TLE1: variants seen among roughly 807,000 people sequenced by gnomAD.
The protein encoded by TLE1 is TLE family member 1, transcriptional corepressor, also known as transducin-like enhancer protein 1.
In TLE1, 21 loss-of-function variants were observed where a neutral mutation model predicts 89.8. That is an observed-to-expected ratio of 0.23 (90% CI 0.17 to 0.34). The LOEUF is 0.34. Ranked by LOEUF, TLE1 falls within the 10% of genes least tolerant of loss-of-function variation. The pLI, the probability that TLE1 is intolerant of heterozygous loss-of-function variation, is 1.00. For synonymous variants in TLE1, 447 were observed against 407.6 expected (o/e 1.10, Z -1.16); for missense variants, 795 against 1,031.2 (o/e 0.77, Z 3.14).
intron 4 of TLE1, among the ~76,000 whole-genome samples, chr9:81,656,409 T>A (rs1830152523): frequency 6.6e-6 from 1 of 152,242 alleles, no homozygotes; most frequent in Non-Finnish European, 1.5e-5. Context: ...ACATTCCTCT[T>A]CTCGGAAATT....
chr9:81,662,428 C>G (rs1000734306), intron 4 of TLE1, among the ~76,000 whole-genome samples: 2 of 148,906 alleles, frequency 1.3e-5, no homozygotes, highest in Middle Eastern at 3.2e-3. Flanking sequence ...GGAGCTGTGG[C>G]TCACGCCTGT....
intron 16 of TLE1, 25 bp from the exon 17 acceptor site, chr9:81,587,853 A>G (rs1242414018): frequency 6.3e-7 from 1 of 1,588,948 alleles, no homozygotes; most frequent in Non-Finnish European, 8.6e-7. Flanking sequence ...CAGATTGAAT[A>G]ATGATTTCCT....
intron 14 of TLE1, among the ~76,000 whole-genome samples, chr9:81,603,280 G>T (rs1179474017): frequency 6.6e-6 from 1 of 152,138 alleles, no homozygotes; most frequent in Admixed American, 6.5e-5. Flanking sequence ...TAGCCTCAGG[G>T]TCTACAATTC....
intron 4 of TLE1, among the ~76,000 whole-genome samples, chr9:81,673,222 A>G (rs1872196): frequency 0.86 from 126,828 of 147,726 alleles, 54,770 homozygotes; most frequent in African/African-American, 0.95. Flanking sequence ...GCAGTGAACC[A>G]AGATTGCGCC....
intron 4 of TLE1, among the ~76,000 whole-genome samples, chr9:81,671,334 C>G (rs771375814): frequency 6.6e-5 from 10 of 151,850 alleles, no homozygotes; most frequent in Non-Finnish European, 1.5e-5. Context: ...GGCAACATGG[C>G]GAAACCCTGT....
At chr9:81,688,066 C>G in intron 1 of TLE1, 151 bp downstream of exon 1, 1 of 941,246 alleles carries the variant, frequency 1.1e-6, no homozygotes, top group Non-Finnish European at 1.6e-6. Flanking sequence ...ACTCCCCACC[C>G]CAGGAAGAGA....
chr9:81,617,621 G>A (rs1824713069), intron 9 of TLE1, among the ~76,000 whole-genome samples: 2 of 152,326 alleles, frequency 1.3e-5, no homozygotes, highest in South Asian at 4.1e-4. Context: ...AGGATCGTTT[G>A]AACCCAGCAG....
At chr9:81,587,907 CGTGTGTGT>C (rs71496083) in intron 16 of TLE1, 79 bp from the exon 17 acceptor site, 23 of 753,916 alleles carry the variant, frequency 3.1e-5, no homozygotes, top group South Asian at 2.1e-4. Flanking sequence ...AGTTTTGGAC[CGTGTGTGT>C]GTGTGTGTGT....
intron 11 of TLE1, among the ~76,000 whole-genome samples, chr9:81,614,831 A>G (rs1183088147): frequency 6.6e-6 from 1 of 151,748 alleles, no homozygotes; most frequent in Non-Finnish European, 1.5e-5. Flanking sequence ...ATGCTCTATG[A>G]CATGCCCCGA....
chr9:81,603,912 G>C (rs1488021563), intron 14 of TLE1, among the ~76,000 whole-genome samples: 2 of 152,168 alleles, frequency 1.3e-5, no homozygotes, highest in East Asian at 3.9e-4. Flanking sequence ...TGAGGCAGGA[G>C]AATCGCTTGA....
At chr9:81,657,214 C>T (rs76066110) in intron 4 of TLE1, among the ~76,000 whole-genome samples, 109 of 152,228 alleles carry the variant, frequency 7.2e-4, no homozygotes, top group African/African-American at 2.5e-3. Context: ...CAAATATTAA[C>T]CCTTTATCAG....
chr9:81,613,504 C>T lies in TLE1; in HGVS notation c.936G>A (p.Thr312=), dbSNP rs767850932. Residue 312 remains threonine (T), a synonymous_variant, in exon 12 of 20, where the codon ACG becomes ACA. Coordinates refer to ENST00000376499, the MANE Select transcript of TLE1 (RefSeq NM_005077.5). ...KEMSLHEKAS[T]PVLKSSTPTP... ...TTGGTGTGCTGGATTTCAGAACAGG[C>T]GTGCTGGCTTTTTCATGCTGGTGTC... 6.8e-6 allele frequency: 11 copies of T among 1,614,026 alleles called. No individual in the cohort carries two copies. The highest frequency in any genetic ancestry group is 2.7e-5 in the African/African-American group (2 of 74,924).
chr9:81,630,352 T>C (rs1225277806), intron 8 of TLE1, among the ~76,000 whole-genome samples: 5 of 152,174 alleles, frequency 3.3e-5, no homozygotes, highest in Non-Finnish European at 7.3e-5. Context: ...TTCAAGACAT[T>C]TGTAGACATA....
chr9:81,680,931 AAAAAAAAAAAC>A (rs1461930333), intron 4 of TLE1, among the ~76,000 whole-genome samples: 2 of 148,336 alleles, frequency 1.3e-5, no homozygotes, highest in Non-Finnish European at 3.0e-5. Flanking sequence ...CACAGGGTTA[AAAAAAAAAAAC>A]AAAAAAAACA....
chr9:81,682,065 G>A lies in TLE1; in HGVS notation c.234+3611C>T, dbSNP rs145004711. Reference sequence around the variant, plus strand: ...GTTCGAAACCAGCCTGCGAACATGGGTGAAACCCTCTCTCTACTACAAAAA... The same window carrying A: ...GTTCGAAACCAGCCTGCGAACATGGATGAAACCCTCTCTCTACTACAAAAA... On this transcript the variant is annotated intron_variant, in intron 4 of 19. Transcript: ENST00000376499. Among the ~76,000 whole-genome samples the A allele has an allele frequency of 7.8e-3, 1,188 of 151,942 alleles. 17 individuals carry two copies. Among genetic ancestry groups the A allele is most frequent in the African/African-American group, 0.027 (1,128 of 41,398 alleles).
intron 6 of TLE1, among the ~76,000 whole-genome samples, chr9:81,647,694 T>C (rs910127433): frequency 6.6e-6 from 1 of 152,168 alleles, no homozygotes; most frequent in African/African-American, 2.4e-5. Context: ...GTAGACGGTA[T>C]TACCATCTAC....
chr9:81,663,851 T>C (rs939978800), intron 4 of TLE1, among the ~76,000 whole-genome samples: 2 of 151,968 alleles, frequency 1.3e-5, no homozygotes, highest in African/African-American at 2.4e-5. Flanking sequence ...GTCTCGATCT[T>C]CTGACCTCGT....
At chr9:81,684,617 G>C (rs1049512587) in intron 4 of TLE1, among the ~76,000 whole-genome samples, 2 of 152,128 alleles carry the variant, frequency 1.3e-5, no homozygotes, top group Admixed American at 1.3e-4. Flanking sequence ...TGCCCCAGCC[G>C]GTCAGCCATG....
intron 12 of TLE1, 143 bp from the exon 13 acceptor site, chr9:81,612,102 C>T (rs930510433): frequency 1.5e-6 from 1 of 676,708 alleles, no homozygotes; most frequent in Admixed American, 4.3e-5. Context: ...AAAATCACCT[C>T]CAATTTATAC....
Sources: allele counts gnomAD v4.1 joint callset (sites outside exome capture counted in the v4.1 genomes callset), GRCh38; gene constraint gnomAD v4.1.1; transcripts MANE v1.5; gene names NCBI Gene and HGNC (gene_info 2026-07-23, HGNC 2026-07-21).